COL9A1: variants seen among roughly 807,000 people sequenced by gnomAD.
COL9A1 encodes the protein collagen type IX alpha 1 chain.
In COL9A1, 104 loss-of-function variants were observed where a neutral mutation model predicts 142.6. That is an observed-to-expected ratio of 0.73 (90% confidence interval 0.62 to 0.86). The LOEUF (loss-of-function observed/expected upper bound fraction) is 0.86, where lower values mean the gene tolerates loss of function less well. Among genes scored for constraint, COL9A1 ranks in the 40% least tolerant of loss-of-function variants. The pLI, the probability that COL9A1 is intolerant of heterozygous loss-of-function variation, is 0.00. For missense variants in COL9A1, 1,210 were observed against 1,176.6 expected, an observed-to-expected ratio of 1.03 and a Z score of -0.42; for synonymous variants, 466 against 396.0, an observed-to-expected ratio of 1.18 and a Z score of -2.10.
At chr6:70,227,744 A>G (rs1769325443) in intron 36 of COL9A1, among the ~76,000 whole-genome samples, 1 of 152,140 alleles carries the variant, frequency 6.6e-6, no homozygotes, top group South Asian at 2.1e-4. Context: ...GAAACAATCT[A>G]TGTCCATTAA....
At chr6:70,275,598 T>G (rs977991497) in intron 10 of COL9A1, among the ~76,000 whole-genome samples, 2 of 152,136 alleles carry the variant, frequency 1.3e-5, no homozygotes, top group Non-Finnish European at 2.9e-5. Flanking sequence ...AAAACACGTA[T>G]TAAAGAATGA....
At chr6:70,297,231 G>A (rs1773878921) in intron 4 of COL9A1, among the ~76,000 whole-genome samples, 1 of 152,060 alleles carries the variant, frequency 6.6e-6, no homozygotes, top group Admixed American at 6.6e-5. Context: ...TTAAAATGAT[G>A]GAGGGTAGGT....
chr6:70,288,535 A>T (rs956296483), intron 5 of COL9A1, among the ~76,000 whole-genome samples: 2 of 152,164 alleles, frequency 1.3e-5, no homozygotes, highest in Non-Finnish European at 2.9e-5. Flanking sequence ...CACAGTGTGA[A>T]AGCCAAAGTA....
intron 5 of COL9A1, among the ~76,000 whole-genome samples, chr6:70,286,192 C>T (rs1773445930): frequency 6.6e-6 from 1 of 152,112 alleles, no homozygotes; most frequent in Admixed American, 6.5e-5. Flanking sequence ...CTGGCCTATT[C>T]AATTATTTTC....
At chr6:70,215,912 A>AACAC (rs10528566), downstream of COL9A1, 29,436 of 149,216 alleles carry the variant, frequency 0.2, 3,365 homozygotes, top group Non-Finnish European at 0.27. Flanking sequence ...TACACACTAA[A>AACAC]ACACACACAC....
intron 14 of COL9A1, among the ~76,000 whole-genome samples, chr6:70,271,171 C>G (rs16868863): frequency 0.015 from 2,225 of 152,200 alleles, 58 homozygotes; most frequent in African/African-American, 0.05. Context: ...ACTATGTCAA[C>G]GTTTTTGAAA....
intron 28 of COL9A1, among the ~76,000 whole-genome samples, chr6:70,243,584 G>A (rs898771110): frequency 1.3e-5 from 2 of 152,000 alleles, no homozygotes; most frequent in Non-Finnish European, 2.9e-5. Flanking sequence ...CTGGAGTGCA[G>A]TGGTGCGATC....
rs145221543 is a variant in COL9A1, at chr6:70,216,926, G to A, written c.2737C>T (p.Arg913Ter). The change falls in exon 38 of 38, where the codon CGA (arginine) becomes TGA (stop). Residue 913 changes from arginine (R) to a stop codon, truncating the protein, a stop_gained. Transcript: ENST00000357250. LOFTEE classifies it high-confidence loss of function. The stretch of plus-strand genomic sequence containing the variant: ...GGGTCAGGCCCTTTGTTAAATGCTC[G>A]CTGACCAGCCTGCATGGTGCAGGAG... ...PASCTMQAGQ[R>*]AFNKGPDP The A allele has an allele frequency of 8.1e-6, 13 of 1,613,946 alleles. No individual in the cohort carries two copies. Among genetic ancestry groups the A allele is most frequent in the African/African-American group, 1.3e-5 (1 of 74,890 alleles).
chr6:70,270,207 A>G, intron 15 of COL9A1, 107 bp downstream of exon 15: 1 of 1,149,254 alleles, frequency 8.7e-7, no homozygotes, highest in Non-Finnish European at 1.3e-6. Flanking sequence ...CGTTTTGGAA[A>G]TTTGGGACAA....
intron 28 of COL9A1, chr6:70,246,091 G>T (rs1770586317): frequency 1.3e-5 from 2 of 152,260 alleles, no homozygotes; most frequent in African/African-American, 4.8e-5. Context: ...TCAGGGCTAG[G>T]CGCAGGGGCT....
chr6:70,283,265 G>C (rs557897240), intron 6 of COL9A1: 1 of 1,432,646 alleles, frequency 7.0e-7, no homozygotes, highest in East Asian at 2.5e-5. Flanking sequence ...GGAGAGCTAG[G>C]GGGCAGGGGA....
At chr6:70,276,021 A>G (rs1221619193) in intron 10 of COL9A1, among the ~76,000 whole-genome samples, 1 of 152,172 alleles carries the variant, frequency 6.6e-6, no homozygotes, top group African/African-American at 2.4e-5. Flanking sequence ...TTTTCCTAAC[A>G]ATGTCACAGA....
At chr6:70,299,190 ATTC>A (rs1453276263) in intron 4 of COL9A1, among the ~76,000 whole-genome samples, 1 of 152,074 alleles carries the variant, frequency 6.6e-6, no homozygotes, top group Non-Finnish European at 1.5e-5. Context: ...ATTATATCAG[ATTC>A]TTCTAATTTG....
At chr6:70,251,267 G>T (rs186070010) in intron 28 of COL9A1, among the ~76,000 whole-genome samples, 13 of 152,230 alleles carry the variant, frequency 8.5e-5, no homozygotes, top group Non-Finnish European at 1.5e-4. Flanking sequence ...AAATACAGTC[G>T]GGCATGGTAG....
At chr6:70,217,966 C>T (rs1168129780) in intron 37 of COL9A1, among the ~76,000 whole-genome samples, 5 of 152,046 alleles carry the variant, frequency 3.3e-5, no homozygotes, top group Non-Finnish European at 7.4e-5. Flanking sequence ...AATGGTGAAA[C>T]CTCATTTCTA....
intron 37 of COL9A1, among the ~76,000 whole-genome samples, chr6:70,219,919 T>A (rs896888026): frequency 6.6e-6 from 1 of 152,212 alleles, no homozygotes; most frequent in Non-Finnish European, 1.5e-5. Context: ...AAGGATAGCT[T>A]TTTAGATTTT....
At chr6:70,228,341 T>C (rs1769358588) in intron 36 of COL9A1, among the ~76,000 whole-genome samples, 1 of 152,226 alleles carries the variant, frequency 6.6e-6, no homozygotes, top group South Asian at 2.1e-4. Context: ...TTGACCTCAT[T>C]AACAAAAGGC....
intron 24 of COL9A1, 37 bp downstream of exon 24, chr6:70,254,926 A>T: frequency 6.3e-7 from 1 of 1,587,736 alleles, no homozygotes; most frequent in Non-Finnish European, 8.7e-7. Flanking sequence ...GGGCAGAGAC[A>T]GCCCCACTCA....
chr6:70,282,432 T>A lies in COL9A1; in HGVS notation c.801+466A>T, dbSNP rs114551012. Among the ~76,000 whole-genome samples, 935 of 152,286 alleles carry A rather than the reference T, an allele frequency of 6.1e-3. 9 individuals carry two copies. Among genetic ancestry groups the A allele is most frequent in the African/African-American group, 0.021 (888 of 41,562 alleles). On this transcript the variant is annotated intron_variant, in intron 7 of 37. Coordinates refer to ENST00000357250, the MANE Select transcript of COL9A1 (RefSeq NM_001851.6). ...CTGATGGAAGCCAGGGCCGCCAAGT[T>A]CCGTCCCGGAGCCGCCAGCACCGCT...
Sources: allele counts gnomAD v4.1 joint callset (sites outside exome capture counted in the v4.1 genomes callset), GRCh38; gene constraint gnomAD v4.1.1; transcripts MANE v1.5; gene names NCBI Gene and HGNC (gene_info 2026-07-23, HGNC 2026-07-21).